The following ATF7 variants were observed in gnomAD, a reference collection of about 807,000 sequenced individuals.
ATF7 encodes cyclic AMP-dependent transcription factor ATF-7.
In ATF7, 10 loss-of-function variants were observed where a neutral mutation model predicts 50.4. The observed-to-expected ratio is 0.20, with a 90% CI of 0.12 to 0.34. The LOEUF (loss-of-function observed/expected upper bound fraction) is 0.34. Among genes scored for constraint, ATF7 ranks in the 10% least tolerant of loss-of-function variants. ATF7 has a pLI of 1.00. For synonymous variants in ATF7, 201 were observed against 226.4 expected (o/e 0.89, Z 1.01); for missense variants, 465 against 613.9 (o/e 0.76, Z 2.56).
At chr12:53,601,610 C>T (rs1192846044) in intron 1 of ATF7, among the ~76,000 whole-genome samples, 1 of 152,172 alleles carries the variant, frequency 6.6e-6, no homozygotes. Flanking sequence ...AACCGGGAGC[C>T]TCCTCCTCCC....
intron 3 of ATF7, among the ~76,000 whole-genome samples, chr12:53,547,039 C>T (rs2137465102): frequency 7.2e-6 from 1 of 139,314 alleles, no homozygotes; most frequent in Admixed American, 7.8e-5. Flanking sequence ...GGCTGGAGTG[C>T]AGTGGCATGA....
intron 2 of ATF7, among the ~76,000 whole-genome samples, chr12:53,561,206 A>C (rs1592873462): frequency 6.6e-6 from 1 of 151,664 alleles, no homozygotes; most frequent in Non-Finnish European, 1.5e-5. Flanking sequence ...CCTTCCAAAG[A>C]GCTGGGTTTA....
chr12:53,619,512 A>G (rs962263614), intron 1 of ATF7, among the ~76,000 whole-genome samples: 6 of 151,256 alleles, frequency 4.0e-5, no homozygotes, highest in Non-Finnish European at 8.8e-5. Flanking sequence ...AAGAAAAAAA[A>G]AAGAAGAGTT....
chr12:53,564,205 T>C (rs1941313451), intron 2 of ATF7, among the ~76,000 whole-genome samples: 1 of 152,134 alleles, frequency 6.6e-6, no homozygotes, highest in Admixed American at 6.5e-5. Context: ...CAAAACCCTG[T>C]CTCTACTAAA....
chr12:53,585,820 T>C (rs974152921), intron 2 of ATF7, among the ~76,000 whole-genome samples: 1 of 152,020 alleles, frequency 6.6e-6, no homozygotes, highest in Admixed American at 6.6e-5. Flanking sequence ...CAGAAAGGCT[T>C]AGCCCACTCC....
At chr12:53,618,912 C>A (rs1291732615) in intron 1 of ATF7, among the ~76,000 whole-genome samples, 1 of 151,808 alleles carries the variant, frequency 6.6e-6, no homozygotes, top group Non-Finnish European at 1.5e-5. Context: ...GTTAGCCGGG[C>A]GCAGTGGTGG....
At chr12:53,546,196 A>AAAACAAAC (rs148932395) in intron 3 of ATF7, among the ~76,000 whole-genome samples, 5,386 of 151,570 alleles carry the variant, frequency 0.036, 248 homozygotes, top group African/African-American at 0.11. Context: ...CCATCTCAAA[A>AAAACAAAC]AAACAAACAA....
chr12:53,534,588 G>A lies in ATF7; in HGVS notation c.474C>T (p.Leu158=), dbSNP rs775751582. 30 of 1,613,690 alleles carry A rather than the reference G, an allele frequency of 1.9e-5. No individual in the cohort carries two copies. The East Asian group carries it at 6.0e-4, about 32-fold the overall frequency. ...PTIVRPGSLP[L]HLGYDPLHPT... ...GATGAAGTGGATCATAGCCCAAGTGGAGAGGCAGGGAGCCAGGACGTACAA... is the reference window on the plus strand; with the variant it reads ...GATGAAGTGGATCATAGCCCAAGTGAAGAGGCAGGGAGCCAGGACGTACAA... The change falls in exon 6 of 12, where the codon CTC becomes CTT. Residue 158 remains leucine (L), a synonymous_variant. Coordinates refer to ENST00000420353, the MANE Select transcript of ATF7 (RefSeq NM_006856.3).
intron 1 of ATF7, among the ~76,000 whole-genome samples, chr12:53,617,888 C>T (rs1944207622): frequency 1.7e-5 from 2 of 117,970 alleles, no homozygotes; most frequent in African/African-American, 3.1e-5. Flanking sequence ...ATACAGAAGA[C>T]CAAAAAAAAA....
At chr12:53,535,763 C>A (rs565839165) in intron 5 of ATF7, among the ~76,000 whole-genome samples, 1 of 152,076 alleles carries the variant, frequency 6.6e-6, no homozygotes, top group African/African-American at 2.4e-5. Flanking sequence ...TTTTTCGAAA[C>A]TGTTAGATGT....
At chr12:53,536,129 A>T (rs1939206082) in intron 5 of ATF7, among the ~76,000 whole-genome samples, 1 of 152,146 alleles carries the variant, frequency 6.6e-6, no homozygotes, top group Non-Finnish European at 1.5e-5. Flanking sequence ...ATTCCTTCAC[A>T]GGAGGTAAAT....
chr12:53,518,885 A>G (rs1937906605), intron 11 of ATF7, among the ~76,000 whole-genome samples: 1 of 151,272 alleles, frequency 6.6e-6, no homozygotes, highest in Admixed American at 6.6e-5. Flanking sequence ...CTCTACTCAA[A>G]AAAAAAAAAA....
intron 1 of ATF7, among the ~76,000 whole-genome samples, chr12:53,614,408 A>G (rs1388653072): frequency 6.6e-6 from 1 of 152,228 alleles, no homozygotes; most frequent in Non-Finnish European, 1.5e-5. Context: ...ATTTTCAGAT[A>G]AAGTATGATC....
chr12:53,550,213 A>G (rs1031421146), intron 3 of ATF7, among the ~76,000 whole-genome samples: 1 of 151,426 alleles, frequency 6.6e-6, no homozygotes, highest in Non-Finnish European at 1.5e-5. Flanking sequence ...AATCCCAGCT[A>G]CTCAGGAGAC....
intron 1 of ATF7, among the ~76,000 whole-genome samples, chr12:53,610,518 T>A (rs1219042776): frequency 7.1e-6 from 1 of 140,170 alleles, no homozygotes; most frequent in Non-Finnish European, 1.5e-5. Context: ...TGAGCTGAGA[T>A]CACACCACTG....
At chr12:53,595,639 G>A (rs1338282115) in intron 2 of ATF7, among the ~76,000 whole-genome samples, 1 of 152,140 alleles carries the variant, frequency 6.6e-6, no homozygotes, top group African/African-American at 2.4e-5. Flanking sequence ...CAGAGGATAC[G>A]AAGCAATAAA....
In ATF7 at chr12:53,559,171, T is replaced by C. The variant is rs1482345920; in HGVS notation, c.49-6534A>G. 3.9e-5 allele frequency among the ~76,000 whole-genome samples: 6 copies of C among 152,116 alleles called. No homozygotes were observed. In the East Asian group the frequency reaches 1.2e-3, roughly 29 times the overall value. ...TGAAGAACACAGATGGTGGAAACTG[T>C]AAATAAGGAATAAATCTCAATGAAT... On this transcript the variant is annotated intron_variant, in intron 2 of 11. Coordinates refer to ENST00000420353, the MANE Select transcript of ATF7 (RefSeq NM_006856.3).
intron 2 of ATF7, among the ~76,000 whole-genome samples, chr12:53,599,162 T>C (rs1943282441): frequency 6.6e-6 from 1 of 152,048 alleles, no homozygotes; most frequent in Non-Finnish European, 1.5e-5. Context: ...GCCTCCCAAG[T>C]AGCTGGGACT....
downstream of ATF7, among the ~76,000 whole-genome samples, chr12:53,509,303 T>C (rs1454103359): frequency 6.6e-6 from 1 of 152,142 alleles, no homozygotes; most frequent in African/African-American, 2.4e-5. Context: ...GATTGCCTCA[T>C]GTGCCCCAGT....
Sources: allele counts gnomAD v4.1 joint callset (sites outside exome capture counted in the v4.1 genomes callset), GRCh38; gene constraint gnomAD v4.1.1; transcripts MANE v1.5; gene names NCBI Gene and HGNC (gene_info 2026-07-23, HGNC 2026-07-21).